CPB1: variants seen among roughly 807,000 people sequenced by gnomAD.
The protein encoded by CPB1 is carboxypeptidase B.
In CPB1, 53 loss-of-function variants were observed where a neutral mutation model predicts 51.4. The observed-to-expected ratio is 1.03, with a 90% confidence interval of 0.83 to 1.30. The LOEUF (loss-of-function observed/expected upper bound fraction) is 1.30. Ranked by LOEUF, CPB1 falls within the 50% of genes most tolerant of loss-of-function variation. The probability of loss-of-function intolerance (pLI) is 0.00; values close to 1 mark genes in which losing one functional copy is unlikely to be tolerated. For synonymous variants in CPB1, 189 were observed against 186.9 expected (o/e 1.01, Z -0.09); for missense variants, 494 against 516.2 (o/e 0.96, Z 0.42).
At chr3:148,855,333 A>G (rs1352558384) in intron 9 of CPB1, 1 of 152,144 alleles carries the variant, frequency 6.6e-6, no homozygotes, top group African/African-American at 2.4e-5. Flanking sequence ...AACCTCAGAT[A>G]TTGCTTCAGC....
intron 10 of CPB1, 67 bp downstream of exon 10, chr3:148,857,608 G>A: frequency 8.2e-7 from 1 of 1,215,912 alleles, no homozygotes; most frequent in Non-Finnish European, 1.2e-6. Flanking sequence ...GGTTCCTGGG[G>A]CCTTTCTTTT....
In CPB1 at chr3:148,833,550, G is replaced by A. The variant is rs140591783; in HGVS notation, c.148-948G>A. Among the ~76,000 whole-genome samples, 283 of 152,170 alleles carry A rather than the reference G, an allele frequency of 1.9e-3. 1 individual carries two copies. Among genetic ancestry groups the A allele is most frequent in the African/African-American group, 6.6e-3 (274 of 41,518 alleles). ...CATATCTCTAGCCCCAAAGCAGTGC[G>A]CAAACATCCGAACAGAGATTGGCTG... is the stretch of plus-strand genomic sequence containing the variant. On this transcript the variant is annotated intron_variant, in intron 2 of 10. Transcript: ENST00000282957.
rs1271237909 is a variant in CPB1, at chr3:148,840,773, C to T, written c.360C>T (p.Asn120=). ...CAGGACACAGTTATGAGAAGTACAA[C>T]AAGTGGGAAACGGTATGATGTGCAC... ...RATGHSYEKY[N]KWETIEAWTQ... Residue 120 remains asparagine (N), a synonymous_variant, in exon 4 of 11, where the codon AAC becomes AAT. Transcript: ENST00000282957. 5 of 1,614,064 alleles carry T rather than the reference C, an allele frequency of 3.1e-6. No homozygotes were observed. In the South Asian group the frequency reaches 5.5e-5, roughly 18 times the overall value.
At chr3:148,846,797 GTATATATA>G (rs368201293) in intron 9 of CPB1, among the ~76,000 whole-genome samples, 6,060 of 50,594 alleles carry the variant, frequency 0.12, 697 homozygotes, top group Middle Eastern at 0.22. Context: ...GTGTGCGTGT[GTATATATA>G]TATATATATA....
At chr3:148,858,275 A>G (rs552381699) in intron 10 of CPB1, among the ~76,000 whole-genome samples, 2 of 152,238 alleles carry the variant, frequency 1.3e-5, no homozygotes, top group South Asian at 4.1e-4. Context: ...AGGAAAATAT[A>G]AGACAGAGTG....
At chr3:148,832,269 T>C (rs867733609) in intron 2 of CPB1, among the ~76,000 whole-genome samples, 1 of 152,140 alleles carries the variant, frequency 6.6e-6, no homozygotes, top group African/African-American at 2.4e-5. Context: ...CTGAGGAGGA[T>C]ACAGATGACA....
chr3:148,842,337 G>A (rs1713111297), intron 6 of CPB1, among the ~76,000 whole-genome samples: 1 of 152,180 alleles, frequency 6.6e-6, no homozygotes, highest in Non-Finnish European at 1.5e-5. Context: ...AATGGTTGTG[G>A]TTAAACCAAT....
intron 9 of CPB1, chr3:148,856,800 C>T (rs889906560): frequency 1.3e-5 from 2 of 152,076 alleles, no homozygotes; most frequent in Non-Finnish European, 2.9e-5. Context: ...TAAGTTAATA[C>T]CTAACAATTT....
intron 10 of CPB1, among the ~76,000 whole-genome samples, chr3:148,858,716 G>A (rs1713666457): frequency 6.6e-6 from 1 of 152,154 alleles, no homozygotes; most frequent in African/African-American, 2.4e-5. Context: ...GGCTAGAGTG[G>A]TAGGGGCTAG....
Position 148,844,700 on chromosome 3 carries a change from CT to C in CPB1, c.712del (p.Ser238ProfsTer64). On this transcript the variant is annotated frameshift_variant, in exon 8 of 11. Transcript: ENST00000282957. LOFTEE classifies it high-confidence loss of function. ...TKSRFWRKTRSTHTGSSCIGT... is the reference protein window; with the variant it reads ...TKSRFWRKTRXTHTGSSCIGT... ...AGAGCCGATTTTGGAGAAAGACTCG[CT>C]CCACCCATACTGGATCTAGCTGCAT... is the stretch of plus-strand genomic sequence containing the variant. 1 of 1,613,960 alleles carries C rather than the reference CT, an allele frequency of 6.2e-7. No individual in the cohort carries two copies. The highest frequency in any genetic ancestry group is 8.5e-7 in the Non-Finnish European group (1 of 1,179,858).
intron 10 of CPB1, among the ~76,000 whole-genome samples, chr3:148,859,198 CCTG>C (rs1713680108): frequency 6.6e-6 from 1 of 152,112 alleles, no homozygotes; most frequent in Admixed American, 6.5e-5. Context: ...GAGCCCATAG[CCTG>C]CTGTTCAGTG....
At chr3:148,830,281 A>G (rs1712693402) in intron 2 of CPB1, among the ~76,000 whole-genome samples, 1 of 152,194 alleles carries the variant, frequency 6.6e-6, no homozygotes, top group Non-Finnish European at 1.5e-5. Flanking sequence ...ATTGCTGAGA[A>G]AGTTCTGCAA....
intron 9 of CPB1, among the ~76,000 whole-genome samples, chr3:148,852,262 T>C (rs1397377648): frequency 6.6e-6 from 1 of 152,190 alleles, no homozygotes. Context: ...ATGACTTCCA[T>C]TTCAACTAAT....
In CPB1 at chr3:148,860,187, A is replaced by C; in HGVS notation, c.*185A>C. 1 of 591,046 alleles carries C rather than the reference A, an allele frequency of 1.7e-6. No homozygotes were observed. 36.6% of individuals were successfully genotyped at this position (591,046 alleles called of 1,614,324 possible). On this transcript the variant is annotated 3_prime_UTR_variant, in exon 11 of 11. Transcript: ENST00000282957. ...AAAAGTGAATCATTACTATTGGAAAACTTGACATATGGTCTACTTCTTTGG... is the reference window on the plus strand; with the variant it reads ...AAAAGTGAATCATTACTATTGGAAACCTTGACATATGGTCTACTTCTTTGG...
At chr3:148,843,626 T>A (rs1713153245) in intron 6 of CPB1, among the ~76,000 whole-genome samples, 1 of 152,108 alleles carries the variant, frequency 6.6e-6, no homozygotes, top group South Asian at 2.1e-4. Context: ...TCATGTAATA[T>A]TGTAATTAAT....
intron 9 of CPB1, chr3:148,851,011 G>T (rs1407289723): frequency 1.3e-5 from 2 of 152,146 alleles, no homozygotes; most frequent in East Asian, 3.9e-4. Flanking sequence ...CTCCTACCAG[G>T]CTTGCTCAGT....
chr3:148,841,954 A>G (rs772719097), intron 6 of CPB1, 30 bp downstream of exon 6: 33 of 1,430,502 alleles, frequency 2.3e-5, no homozygotes, highest in South Asian at 2.1e-4. Context: ...TTTGGCAAAG[A>G]GAAATGTATG....
chr3:148,858,548 G>A (rs1010912780), intron 10 of CPB1, among the ~76,000 whole-genome samples: 2 of 151,960 alleles, frequency 1.3e-5, no homozygotes, highest in Non-Finnish European at 2.9e-5. Context: ...CTCTAGCCTG[G>A]GCGACGAGAG....
chr3:148,841,772 T>C, intron 5 of CPB1, 51 bp from the exon 6 acceptor site: 1 of 1,501,678 alleles, frequency 6.7e-7, no homozygotes, highest in Non-Finnish European at 9.3e-7. Context: ...GGTTAACCCC[T>C]GAATGTCCTA....
Sources: gnomAD v4.1 joint callset for allele counts (sites outside exome capture counted in the v4.1 genomes callset) on GRCh38, gnomAD v4.1.1 for gene constraint, MANE v1.5 for transcripts, NCBI Gene and HGNC (gene_info 2026-07-23, HGNC 2026-07-21) for gene names.